Variants in ADGRF5 observed in about 807,000 individuals in gnomAD.
The protein encoded by ADGRF5 is G-protein coupled receptor 116.
A neutral mutation model predicts 132.3 loss-of-function variants in ADGRF5; 75 were observed. The ratio of observed to expected loss-of-function variants is 0.57; its 90% CI spans 0.47 to 0.69. The LOEUF (loss-of-function observed/expected upper bound fraction) is 0.69. ADGRF5 is among the 30% of genes least tolerant of loss of function. The pLI, the probability that ADGRF5 is intolerant of heterozygous loss-of-function variation, is 0.00. For missense variants in ADGRF5, 1,516 were observed against 1,630.6 expected (o/e 0.93, Z 1.21); for synonymous variants, 629 against 597.6 (o/e 1.05, Z -0.77).
chr6:46,875,838 G>T (rs530160741), intron 10 of ADGRF5, among the ~76,000 whole-genome samples: 1 of 152,182 alleles, frequency 6.6e-6, no homozygotes, highest in South Asian at 2.1e-4. Context: ...TGAATACATT[G>T]AATCTACCAC....
At chr6:46,929,251 C>A (rs962138893) in intron 1 of ADGRF5, among the ~76,000 whole-genome samples, 2 of 151,944 alleles carry the variant, frequency 1.3e-5, no homozygotes, top group Non-Finnish European at 2.9e-5. Flanking sequence ...GACAAAAAAC[C>A]AAACACCTCA....
At chr6:46,937,160 G>A (rs982609286) in intron 1 of ADGRF5, among the ~76,000 whole-genome samples, 23 of 152,126 alleles carry the variant, frequency 1.5e-4, no homozygotes, top group African/African-American at 5.1e-4. Context: ...AAACAAATGA[G>A]TTATATGTCT....
At position 46,901,424 on chromosome 6, in the gene ADGRF5, C is replaced by T. The variant is rs936396340; in HGVS notation, c.103-1341G>A. Among the ~76,000 whole-genome samples the T allele has an allele frequency of 1.6e-4, 24 of 152,290 alleles. No individual in the cohort carries two copies. In the East Asian group the frequency reaches 3.5e-3, roughly 22 times the overall value. ...ACCCTGAACTCCACGCATCCATGAC[C>T]GCCACCTGGGGCAGAGCTCATTCTG... On this transcript the variant is annotated intron_variant, in intron 2 of 20. Transcript: ENST00000283296.
intron 1 of ADGRF5, among the ~76,000 whole-genome samples, chr6:46,944,039 GT>G (rs1191972471): frequency 1.3e-5 from 2 of 152,146 alleles, no homozygotes; most frequent in African/African-American, 2.4e-5. Context: ...TCTAAACATT[GT>G]TTTTTATGCC....
intron 2 of ADGRF5, among the ~76,000 whole-genome samples, chr6:46,903,958 G>A (rs1775038941): frequency 1.3e-5 from 2 of 152,144 alleles, no homozygotes; most frequent in African/African-American, 2.4e-5. Context: ...ACAGACTCAG[G>A]GAAACGAAGA....
intron 1 of ADGRF5, among the ~76,000 whole-genome samples, chr6:46,910,793 A>G (rs2150906302): frequency 6.6e-6 from 1 of 152,266 alleles, no homozygotes; most frequent in East Asian, 1.9e-4. Flanking sequence ...TCATTTTGCC[A>G]CTAATTAGCT....
intron 4 of ADGRF5, chr6:46,887,174 G>A (rs1049529606): frequency 6.6e-6 from 1 of 152,108 alleles, no homozygotes; most frequent in Non-Finnish European, 1.5e-5. Context: ...TTGATACTTG[G>A]TCTGTTTTGT....
Position 46,916,190 on chromosome 6 carries a change from G to A in ADGRF5, c.-25+5523C>T, listed in dbSNP as rs562253945. Among the ~76,000 whole-genome samples the A allele has an allele frequency of 2.0e-5, 3 of 152,244 alleles. No individual in the cohort carries two copies. In the South Asian group the frequency reaches 6.2e-4, roughly 32 times the overall value. On this transcript the variant is annotated intron_variant, in intron 1 of 20. Transcript: ENST00000283296. ...CAGCCTCTGACCTTTATGGCATATT[G>A]CCTCTTTTCTTGTCCCCAAAGATAT... is the stretch of plus-strand genomic sequence containing the variant.
At chr6:46,881,925 C>G in intron 7 of ADGRF5, 124 bp downstream of exon 7, 1 of 788,238 alleles carries the variant, frequency 1.3e-6, no homozygotes. Flanking sequence ...ACTTTTTTCA[C>G]CTCTACCAAA....
At chr6:46,891,731 A>T (rs1410427555) in intron 3 of ADGRF5, among the ~76,000 whole-genome samples, 1 of 151,980 alleles carries the variant, frequency 6.6e-6, no homozygotes, top group Non-Finnish European at 1.5e-5. Flanking sequence ...GGATGTTATC[A>T]CTCCCCATTG....
rs764129061 is a variant in ADGRF5, at chr6:46,881,458, T to C, written c.811A>G (p.Ile271Val). Residue 271 changes from isoleucine to valine, a missense_variant, in exon 8 of 21, where the codon ATC becomes GTC. By Grantham distance (29) the Ile-to-Val change is conservative (BLOSUM62 3). Around this residue, in one of 2 missense-constraint regions of ADGRF5, gnomAD observed 945 missense variants for 929.4 expected, o/e 1.02. Transcript: ENST00000283296. ...MDYNSFQAVTINESNFFVTPE... is the reference protein window; with the variant it reads ...MDYNSFQAVTVNESNFFVTPE... ...ATATCTAAACAATTTCACTTACTGATAGTAACTGCTTGAAAGGAGTTGTAG... is the reference window on the plus strand; with the variant it reads ...ATATCTAAACAATTTCACTTACTGACAGTAACTGCTTGAAAGGAGTTGTAG... 17 of 1,611,290 alleles carry C rather than the reference T, an allele frequency of 1.1e-5. No homozygotes were observed. Among genetic ancestry groups the C allele is most frequent in the East Asian group, 8.9e-5 (4 of 44,878 alleles).
Position 46,884,211 on chromosome 6 carries a change from C to T in ADGRF5, c.389G>A (p.Arg130Gln), listed in dbSNP as rs374080886. 2.8e-5 allele frequency: 45 copies of T among 1,613,924 alleles called. No individual in the cohort carries two copies. The highest frequency in any genetic ancestry group is 3.6e-5 in the Non-Finnish European group (43 of 1,179,920). Residue 130 changes from arginine to glutamine, a missense_variant, in exon 5 of 21, where the codon CGG (arginine) becomes CAG (glutamine). Around this residue, in one of 2 missense-constraint regions of ADGRF5, gnomAD observed 945 missense variants for 929.4 expected, o/e 1.02. Transcript: ENST00000283296. ...CSCETGYGWP[R>Q]ERCLHNLICQ... Reference sequence around the variant, plus strand: ...AATGAGATTGTGAAGACACCTTTCCCGAGGCCACCCATAACCTGTCTCGCA... The same window carrying T: ...AATGAGATTGTGAAGACACCTTTCCTGAGGCCACCCATAACCTGTCTCGCA...
intron 1 of ADGRF5, among the ~76,000 whole-genome samples, chr6:46,943,227 A>G (rs749286097): frequency 6.6e-6 from 1 of 152,080 alleles, no homozygotes; most frequent in Non-Finnish European, 1.5e-5. Flanking sequence ...AAAATGGATG[A>G]TTTTTGCAGA....
At chr6:46,941,416 G>GAAAAGAAAAGAAAAGAAAAGAAAAGAA (rs1778059554) in intron 1 of ADGRF5, among the ~76,000 whole-genome samples, 2 of 36,038 alleles carry the variant, frequency 5.5e-5, no homozygotes, top group African/African-American at 2.2e-4. Context: ...GAAAAGAAAA[G>GAAAAGAAAAGAAAAGAAAAGAAAAGAA]AAAAGAAAAG....
rs149269256 is a variant in ADGRF5 at position 46,860,817 on chromosome 6, C to T, written c.2277G>A (p.Ala759=). The change falls in exon 16 of 21, where the codon GCG becomes GCA. Residue 759 remains alanine, a synonymous_variant. Coordinates refer to ENST00000283296, the MANE Select transcript of ADGRF5 (RefSeq NM_001098518.2). ...LKDLSISIDK[A]EHEISSSPGS... The stretch of plus-strand genomic sequence containing the variant: ...CAGGAGAAGAGCTGATTTCATGTTC[C>T]GCTTTGTCTATGCTAATAGAAAGAT... 27 of 1,613,312 alleles carry T rather than the reference C, an allele frequency of 1.7e-5. No individual in the cohort carries two copies. The highest frequency in any genetic ancestry group is 4.0e-5 in the African/African-American group (3 of 74,898).
At chr6:46,908,586 T>C (rs1369184701) in intron 1 of ADGRF5, among the ~76,000 whole-genome samples, 1 of 152,190 alleles carries the variant, frequency 6.6e-6, no homozygotes, top group Non-Finnish European at 1.5e-5. Flanking sequence ...TTTTGGTCAG[T>C]TAGCAAGAAT....
intron 1 of ADGRF5, among the ~76,000 whole-genome samples, chr6:46,928,150 G>A (rs1777349939): frequency 6.6e-6 from 1 of 152,086 alleles, no homozygotes; most frequent in African/African-American, 2.4e-5. Context: ...TGTGAATCCT[G>A]GTCTATCAAA....
intron 1 of ADGRF5, among the ~76,000 whole-genome samples, chr6:46,946,761 A>G (rs919124613): frequency 6.6e-6 from 1 of 152,158 alleles, no homozygotes; most frequent in Non-Finnish European, 1.5e-5. Flanking sequence ...GAGAAGGCCA[A>G]TGGCGTTATT....
chr6:46,938,817 G>A (rs1225670349), intron 1 of ADGRF5, among the ~76,000 whole-genome samples: 2 of 151,762 alleles, frequency 1.3e-5, no homozygotes, highest in Non-Finnish European at 2.9e-5. Context: ...CTACCACAGA[G>A]TCCTTCACAA....
Sources: gnomAD v4.1 joint callset for allele counts (sites outside exome capture counted in the v4.1 genomes callset) on GRCh38, gnomAD v4.1.1 for gene constraint, gnomAD v4.1.1 regional missense constraint, MANE v1.5 for transcripts, NCBI Gene and HGNC (gene_info 2026-07-23, HGNC 2026-07-21) for gene names.